Variants in HAPLN1 observed in about 807,000 individuals in gnomAD.
HAPLN1 encodes hyaluronan and proteoglycan link protein 1.
A neutral mutation model predicts 36.5 loss-of-function variants in HAPLN1; 13 were observed. The ratio of observed to expected loss-of-function variants is 0.36; its 90% CI spans 0.23 to 0.57. The LOEUF (loss-of-function observed/expected upper bound fraction) is 0.57. Among genes scored for constraint, HAPLN1 ranks in the 20% least tolerant of loss-of-function variants. The pLI, the probability that HAPLN1 is intolerant of heterozygous loss-of-function variation, is 0.83. For synonymous variants in HAPLN1, 202 were observed against 169.8 expected, an observed-to-expected ratio of 1.19 and a Z score of -1.48; for missense variants, 407 against 439.7, an observed-to-expected ratio of 0.93 and a Z score of 0.66.
chr5:83,680,665 T>C (rs552460064), intron 1 of HAPLN1, among the ~76,000 whole-genome samples: 1 of 152,314 alleles, frequency 6.6e-6, no homozygotes, highest in East Asian at 1.9e-4. Flanking sequence ...TATCTTCCCC[T>C]GTGTTTATCT....
intron 4 of HAPLN1, among the ~76,000 whole-genome samples, chr5:83,643,209 C>T (rs562701879): frequency 2.4e-4 from 36 of 151,834 alleles, no homozygotes; most frequent in Admixed American, 1.0e-3. Context: ...ATTAAGTAGG[C>T]GTGGTGGCAT....
intron 2 of HAPLN1, among the ~76,000 whole-genome samples, chr5:83,663,940 G>A (rs141551496): frequency 4.6e-5 from 7 of 151,362 alleles, no homozygotes; most frequent in East Asian, 3.9e-4. Context: ...TTGGCCCACC[G>A]TAATCCATTA....
chr5:83,719,921 T>C (rs958560600), intron 1 of HAPLN1, among the ~76,000 whole-genome samples: 12 of 152,222 alleles, frequency 7.9e-5, no homozygotes, highest in Admixed American at 2.6e-4. Flanking sequence ...ACAGGAACAC[T>C]TTCCACCCTA....
intron 1 of HAPLN1, among the ~76,000 whole-genome samples, chr5:83,700,825 T>G (rs1352033042): frequency 6.6e-6 from 1 of 152,122 alleles, no homozygotes; most frequent in East Asian, 1.9e-4. Flanking sequence ...AGTAACCATA[T>G]GTAATGAAAT....
At chr5:83,686,897 GTT>G (rs907811252) in intron 1 of HAPLN1, among the ~76,000 whole-genome samples, 24 of 152,068 alleles carry the variant, frequency 1.6e-4, no homozygotes, top group African/African-American at 5.3e-4. Context: ...AGGGTGTGTT[GTT>G]TCTCCATTCC....
chr5:83,676,978 A>C (rs781017383), intron 1 of HAPLN1, among the ~76,000 whole-genome samples: 5 of 152,192 alleles, frequency 3.3e-5, no homozygotes, highest in Non-Finnish European at 5.9e-5. Context: ...TACCTTATCC[A>C]ATGTGAAAGA....
intron 1 of HAPLN1, among the ~76,000 whole-genome samples, chr5:83,705,437 G>A (rs1295484702): frequency 6.1e-5 from 9 of 148,060 alleles, no homozygotes; most frequent in Non-Finnish European, 4.5e-5. Context: ...TCAAAACCAC[G>A]GAATTACATG....
chr5:83,704,122 AAT>A (rs1161813198), intron 1 of HAPLN1, among the ~76,000 whole-genome samples: 1 of 150,948 alleles, frequency 6.6e-6, no homozygotes, highest in Non-Finnish European at 1.5e-5. Context: ...AAAAAAAAAA[AAT>A]CTTCAACCAA....
At chr5:83,657,567 A>G (rs949255306) in intron 2 of HAPLN1, among the ~76,000 whole-genome samples, 2 of 152,168 alleles carry the variant, frequency 1.3e-5, no homozygotes, top group Admixed American at 1.3e-4. Context: ...AGCCTTTCCC[A>G]TTAGAAAGAC....
In HAPLN1 at chr5:83,652,460, G is replaced by A. The variant is rs200303604; in HGVS notation, c.465C>T (p.Asp155=). The change falls in exon 3 of 5, where the codon GAC becomes GAT. Residue 155 remains aspartate, a synonymous_variant. Coordinates refer to ENST00000274341, the MANE Select transcript of HAPLN1 (RefSeq NM_001884.4). ...LEDDTVVVAL[D]LQGVVFPYFP... ...TGACTTATAGATACATACCTTGTAA[G>A]TCCAGTGCTACCACAACAGTATCAT... 6.2e-7 allele frequency: 1 copy of A among 1,612,428 alleles called. No individual in the cohort carries two copies. The highest frequency in any genetic ancestry group is 8.5e-7 in the Non-Finnish European group (1 of 1,179,082).
At chr5:83,711,450 T>G (rs1265563239) in intron 1 of HAPLN1, among the ~76,000 whole-genome samples, 1 of 152,146 alleles carries the variant, frequency 6.6e-6, no homozygotes, top group Non-Finnish European at 1.5e-5. Context: ...AGATTTTGTT[T>G]TTTGGATCCC....
chr5:83,642,843 A>G (rs1256495420), intron 4 of HAPLN1, among the ~76,000 whole-genome samples: 1 of 152,216 alleles, frequency 6.6e-6, no homozygotes, highest in East Asian at 1.9e-4. Context: ...ACTATAGCTC[A>G]TGGGTCAAAA....
rs771717902 is a variant in HAPLN1, at chr5:83,706,103, C to CAA, written c.-27+14685_-27+14686insTT. Among the ~76,000 whole-genome samples the CAA allele has an allele frequency of 1.1e-3, 99 of 92,318 alleles. 3 individuals carry two copies. Among genetic ancestry groups the CAA allele is most frequent in the African/African-American group, 3.7e-3 (86 of 23,538 alleles). The allele number at this position is 92,318 out of a possible 152,430, so 60.6% of individuals were successfully genotyped here. A position where few individuals can be genotyped will look rare whatever the true frequency, so the allele number is the denominator to read the frequency against. On this transcript the variant is annotated intron_variant, in intron 1 of 4. Transcript: ENST00000274341. ...AATCAGTAATAAATAGCCTACCAAT[C>CAA]GAAAAAAAAAAAAAACAAAAGCCCA...
chr5:83,664,391 GT>G (rs112948593), intron 2 of HAPLN1, among the ~76,000 whole-genome samples: 5 of 149,980 alleles, frequency 3.3e-5, no homozygotes, highest in African/African-American at 1.2e-4. Flanking sequence ...AAAAACATTT[GT>G]TTTTTTTTGA....
intron 2 of HAPLN1, among the ~76,000 whole-genome samples, chr5:83,653,871 T>C (rs59128731): frequency 6.6e-6 from 1 of 152,238 alleles, no homozygotes; most frequent in Non-Finnish European, 1.5e-5. Flanking sequence ...CTCTTGAGGA[T>C]GTGCAAGATA....
rs186214955 is a variant in HAPLN1, at chr5:83,639,459, T to G, written c.*2037A>C. The G allele has an allele frequency of 6.6e-6, 1 of 152,074 alleles. No homozygotes were observed. The highest frequency in any genetic ancestry group is 1.5e-5 in the Non-Finnish European group (1 of 67,920). 9.4% of individuals were successfully genotyped at this position (152,074 alleles called of 1,614,324 possible). A position where few individuals can be genotyped will look rare whatever the true frequency, so the allele number is the denominator to read the frequency against. ...TCTGGACATAACTGAAAATTAGATGTTTGCTTCAATAGAAATTTGTTCCCA... is the reference window on the plus strand; with the variant it reads ...TCTGGACATAACTGAAAATTAGATGGTTGCTTCAATAGAAATTTGTTCCCA... On this transcript the variant is annotated 3_prime_UTR_variant, in exon 5 of 5. Transcript: ENST00000274341.
intron 1 of HAPLN1, among the ~76,000 whole-genome samples, chr5:83,698,336 G>A (rs1768728299): frequency 6.6e-6 from 1 of 151,918 alleles, no homozygotes; most frequent in South Asian, 2.1e-4. Flanking sequence ...TGCTTTGTAA[G>A]GAGTATACTT....
intron 4 of HAPLN1, 49 bp from the exon 5 acceptor site, chr5:83,641,834 A>T: frequency 6.4e-7 from 1 of 1,567,070 alleles, no homozygotes; most frequent in South Asian, 1.2e-5. Flanking sequence ...CAATTGAGCC[A>T]CACAGAGATA....
intron 2 of HAPLN1, among the ~76,000 whole-genome samples, chr5:83,654,325 G>A (rs1364950029): frequency 1.3e-5 from 2 of 152,122 alleles, no homozygotes; most frequent in Non-Finnish European, 2.9e-5. Flanking sequence ...TTAGTTAAGA[G>A]GAATCACAAA....
Sources: allele counts gnomAD v4.1 joint callset (sites outside exome capture counted in the v4.1 genomes callset), GRCh38; gene constraint gnomAD v4.1.1; transcripts MANE v1.5; gene names NCBI Gene and HGNC (gene_info 2026-07-23, HGNC 2026-07-21).